Variants in PCDHAC2 observed in about 807,000 individuals in gnomAD.
The protein encoded by PCDHAC2 is protocadherin alpha subfamily C, 2, also known as protocadherin alpha-C2.
A neutral mutation model predicts 63.3 loss-of-function variants in PCDHAC2; 24 were observed. The observed-to-expected ratio is 0.38, with a 90% CI of 0.27 to 0.53. The LOEUF (loss-of-function observed/expected upper bound fraction) is 0.53. PCDHAC2 is among the 20% of genes least tolerant of loss of function. PCDHAC2 has a pLI of 0.81. For synonymous variants in PCDHAC2, 569 were observed against 529.4 expected (o/e 1.07, Z -1.03); for missense variants, 1,181 against 1,275.2 (o/e 0.93, Z 1.12).
chr5:140,973,825 T>A (rs1253333011), intron 1 of PCDHAC2, among the ~76,000 whole-genome samples: 5 of 152,246 alleles, frequency 3.3e-5, no homozygotes, highest in Non-Finnish European at 5.9e-5. Context: ...AAGTCAGTTC[T>A]GGGTACTTGC....
chr5:140,971,488 A>C (rs17119328), intron 1 of PCDHAC2, among the ~76,000 whole-genome samples: 9,487 of 152,206 alleles, frequency 0.062, 310 homozygotes, highest in African/African-American at 0.074. Flanking sequence ...ACATTGTTAC[A>C]GTGTGGCAAG....
chr5:140,975,201 A>G (rs1253516142), intron 1 of PCDHAC2, among the ~76,000 whole-genome samples: 1 of 152,144 alleles, frequency 6.6e-6, no homozygotes, highest in Non-Finnish European at 1.5e-5. Context: ...CTCCATCTTC[A>G]TGGCTGGCAC....
intron 1 of PCDHAC2, among the ~76,000 whole-genome samples, chr5:140,976,160 T>A (rs1554237376): frequency 6.6e-6 from 1 of 152,196 alleles, no homozygotes; most frequent in Admixed American, 6.5e-5. Context: ...TTTTACTACT[T>A]TTAGTTTTGT....
chr5:140,983,754 A>T (rs2097065978), intron 3 of PCDHAC2, among the ~76,000 whole-genome samples: 3 of 152,210 alleles, frequency 2.0e-5, no homozygotes. Flanking sequence ...AATCCATTCA[A>T]ATTCAAATAC....
Position 140,968,070 on chromosome 5 carries a change from A to G in PCDHAC2, c.1304A>G (p.Tyr435Cys), listed in dbSNP as rs377189542. Residue 435 changes from tyrosine to cysteine, a missense_variant, in exon 1 of 4, where the codon TAC (tyrosine) becomes TGC (cysteine). Transcript: ENST00000289269. The stretch of plus-strand genomic sequence containing the variant: ...CTGGACCGAGAGCGGGTGGCTGTCT[A>G]CAACATCACGGTGACAGCCACAGAT... ...GPLDRERVAVYNITVTATDGG... is the reference protein window; with the variant it reads ...GPLDRERVAVCNITVTATDGG... 3.5e-5 allele frequency: 57 copies of G among 1,614,034 alleles called. No homozygotes were observed. The highest frequency in any genetic ancestry group is 1.6e-4 in the Middle Eastern group (1 of 6,082).
At chr5:140,980,584 C>T (rs1447001293) in intron 2 of PCDHAC2, among the ~76,000 whole-genome samples, 3 of 151,934 alleles carry the variant, frequency 2.0e-5, no homozygotes, top group Non-Finnish European at 4.4e-5. Context: ...GAGCCAAGAT[C>T]GAGCCACTGC....
At chr5:140,982,679 C>A in intron 3 of PCDHAC2, 116 bp downstream of exon 3, 2 of 1,436,546 alleles carry the variant, frequency 1.4e-6, no homozygotes, top group Non-Finnish European at 9.2e-7. Flanking sequence ...TTGTTATTCC[C>A]TTTTTTCCAT....
Position 141,011,476 on chromosome 5 carries a change from A to G in PCDHAC2, c.*1539A>G, listed in dbSNP as rs2098420741. On this transcript the variant is annotated 3_prime_UTR_variant, in exon 4 of 4. Coordinates refer to ENST00000289269, the MANE Select transcript of PCDHAC2 (RefSeq NM_018899.6). ...CTTTATTGTTGAATGTAATTCCATT[A>G]TATTTCCTTTTGTACACCTGTGAAA... 1 of 153,776 alleles carries G rather than the reference A, an allele frequency of 6.5e-6. No homozygotes were observed. 9.5% of individuals were successfully genotyped at this position (153,776 alleles called of 1,614,324 possible). A position where few individuals can be genotyped will look rare whatever the true frequency, so the allele number is the denominator to read the frequency against.
chr5:140,975,811 A>G (rs2096684538), intron 1 of PCDHAC2, among the ~76,000 whole-genome samples: 3 of 134,728 alleles, frequency 2.2e-5, no homozygotes, highest in Non-Finnish European at 5.2e-5. Context: ...TATAATTTTA[A>G]TAGGAACTGA....
Position 140,967,010 on chromosome 5 carries a change from C to G in PCDHAC2, c.244C>G (p.Leu82Val). 6.2e-7 allele frequency: 1 copy of G among 1,606,340 alleles called. No individual in the cohort carries two copies. ...GCCGGGTTGCTTGCGCATCAACCAT[C>G]TGGGTGCGCCCAGTCCGCGCTACCT... ...LGPGCLRINH[L>V]GAPSPRYLEL... The change falls in exon 1 of 4, where the codon CTG (leucine) becomes GTG (valine). Residue 82 changes from leucine to valine, a missense_variant. Physicochemically the swap from Leu to Val is conservative, Grantham distance 32. Around this residue, in one of 3 missense-constraint regions of PCDHAC2, gnomAD observed 210 missense variants for 184.9 expected, o/e 1.14. Transcript: ENST00000289269.
At chr5:141,007,527 C>T (rs1184006315) in intron 3 of PCDHAC2, among the ~76,000 whole-genome samples, 1 of 152,070 alleles carries the variant, frequency 6.6e-6, no homozygotes, top group Non-Finnish European at 1.5e-5. Flanking sequence ...GATATCTCGC[C>T]ACTGCACTCC....
rs191125107 is a variant in PCDHAC2 at position 140,991,229 on chromosome 5, G to A, written c.2713+8666G>A. 1.4e-3 allele frequency among the ~76,000 whole-genome samples: 211 copies of A among 152,246 alleles called. 1 individual carries two copies. The highest frequency in any genetic ancestry group is 4.8e-3 in the African/African-American group (201 of 41,560). On this transcript the variant is annotated intron_variant, in intron 3 of 3. Coordinates refer to ENST00000289269, the MANE Select transcript of PCDHAC2 (RefSeq NM_018899.6). ...AATTTTGTTAAATTCATTAATAAAT[G>A]CAGTGGTAAAGGCAGTATTTGAACT... is the stretch of plus-strand genomic sequence containing the variant.
intron 3 of PCDHAC2, among the ~76,000 whole-genome samples, chr5:141,000,421 A>ATATAT (rs1265241806): frequency 3.6e-5 from 1 of 27,980 alleles, no homozygotes; most frequent in East Asian, 1.4e-3. Flanking sequence ...ATATATATAT[A>ATATAT]TTTTTTTTTT....
chr5:141,001,850 T>G (rs2098040443), intron 3 of PCDHAC2, among the ~76,000 whole-genome samples: 1 of 152,164 alleles, frequency 6.6e-6, no homozygotes, highest in Admixed American at 6.5e-5. Context: ...AGAGAGAGGT[T>G]GATTAAATTG....
At chr5:141,004,976 A>G (rs1554259837) in intron 3 of PCDHAC2, among the ~76,000 whole-genome samples, 1 of 152,248 alleles carries the variant, frequency 6.6e-6, no homozygotes, top group Non-Finnish European at 1.5e-5. Flanking sequence ...GTAAATTTGC[A>G]GTATCATTAT....
rs1402531454 is a variant in PCDHAC2 at position 141,011,521 on chromosome 5, TA to T, written c.*1586del. 1 of 153,804 alleles carries T rather than the reference TA, an allele frequency of 6.5e-6. No individual in the cohort carries two copies. The allele number at this position is 153,804 out of a possible 1,614,324, so 9.5% of individuals were successfully genotyped here. A position where few individuals can be genotyped will look rare whatever the true frequency, so the allele number is the denominator to read the frequency against. ...GTGAAAAAGTGGAGTAGTGTTTTTT[TA>T]ACCATTGTTAATCAGCTTTTGTGTA... On this transcript the variant is annotated 3_prime_UTR_variant, in exon 4 of 4. Coordinates refer to ENST00000289269, the MANE Select transcript of PCDHAC2 (RefSeq NM_018899.6).
chr5:140,996,372 G>A (rs898606404), intron 3 of PCDHAC2, among the ~76,000 whole-genome samples: 1 of 152,180 alleles, frequency 6.6e-6, no homozygotes, highest in Non-Finnish European at 1.5e-5. Context: ...TTTTGTTGTC[G>A]GCTGAAATAA....
At chr5:140,969,382 TC>T in intron 1 of PCDHAC2, 51 bp downstream of exon 1, 1 of 1,597,954 alleles carries the variant, frequency 6.3e-7, no homozygotes, top group Non-Finnish European at 8.5e-7. Flanking sequence ...TTGTTACACA[TC>T]CCCCAATATC....
intron 1 of PCDHAC2, among the ~76,000 whole-genome samples, chr5:140,969,881 G>C (rs1554232131): frequency 6.6e-6 from 1 of 152,196 alleles, no homozygotes; most frequent in African/African-American, 2.4e-5. Flanking sequence ...CTATGTGATA[G>C]GATCCTCTGG....
Sources: allele counts gnomAD v4.1 joint callset (sites outside exome capture counted in the v4.1 genomes callset), GRCh38; gene constraint gnomAD v4.1.1; regional missense constraint gnomAD v4.1.1; transcripts MANE v1.5; gene names NCBI Gene and HGNC (gene_info 2026-07-23, HGNC 2026-07-21).